PKIB: variants seen among roughly 807,000 people sequenced by gnomAD.
PKIB encodes the protein PKI-beta.
In PKIB, 2 loss-of-function variants were observed where a neutral mutation model predicts 4.5. The observed-to-expected ratio is 0.44, with a 90% CI of 0.18 to 1.39. The LOEUF (loss-of-function observed/expected upper bound fraction) is 1.39, where lower values mean the gene tolerates loss of function less well. PKIB is among the 40% of genes most tolerant of loss of function. PKIB has a pLI of 0.27. For missense variants in PKIB, 94 were observed against 92.6 expected, an observed-to-expected ratio of 1.02 and a Z score of -0.06; for synonymous variants, 38 against 36.0, an observed-to-expected ratio of 1.06 and a Z score of -0.20.
At chr6:122,600,533 C>T (rs1171407231) in intron 3 of PKIB, among the ~76,000 whole-genome samples, 2 of 148,364 alleles carry the variant, frequency 1.3e-5, no homozygotes, top group Non-Finnish European at 3.0e-5. Flanking sequence ...TGGAAAACCT[C>T]GTAATTCAAG....
At chr6:122,518,995 A>C (rs1776849410) in intron 2 of PKIB, among the ~76,000 whole-genome samples, 1 of 152,206 alleles carries the variant, frequency 6.6e-6, no homozygotes, top group South Asian at 2.1e-4. Context: ...AGAAAATGCT[A>C]TAATACAAGT....
At chr6:122,626,538 C>T (rs965183678) in intron 1 of PKIB, among the ~76,000 whole-genome samples, 1 of 152,162 alleles carries the variant, frequency 6.6e-6, no homozygotes, top group Non-Finnish European at 1.5e-5. Context: ...GGAACAATTC[C>T]TAAAGCTTCA....
Position 122,682,189 on chromosome 6 carries a change from A to G in PKIB, c.-9+7045A>G, listed in dbSNP as rs536765159. Among the ~76,000 whole-genome samples the G allele has an allele frequency of 6.6e-5, 10 of 151,800 alleles. No individual in the cohort carries two copies. The South Asian group carries it at 2.1e-3, about 32-fold the overall frequency. On this transcript the variant is annotated intron_variant, in intron 3 of 4. Transcript: ENST00000368452. ...ATAATTCTAAATGGAAGAAGTGGGG[A>G]GTTACAGATAGGTGGAGGAAGGCTT...
rs551022960 is a variant in PKIB, at chr6:122,612,423, C to T, written c.-161+1888C>T. 2.2e-4 allele frequency among the ~76,000 whole-genome samples: 33 copies of T among 152,244 alleles called. No individual in the cohort carries two copies. The South Asian group carries it at 4.6e-3, about 21-fold the overall frequency. ...ATCTGGTTTTAGAACAGTTTACTCA[C>T]TTGGTAAGATTCCTTATGTCCATTA... is the stretch of plus-strand genomic sequence containing the variant. On this transcript the variant is annotated intron_variant, in intron 1 of 4. Coordinates refer to ENST00000368452, the MANE Select transcript of PKIB (RefSeq NM_181795.3).
At chr6:122,713,892 C>T (rs1261259482) in intron 3 of PKIB, among the ~76,000 whole-genome samples, 1 of 152,066 alleles carries the variant, frequency 6.6e-6, no homozygotes. Flanking sequence ...TAATGCTCTC[C>T]CCTTTTCCCC....
intron 2 of PKIB, among the ~76,000 whole-genome samples, chr6:122,640,666 G>A (rs1448117986): frequency 6.6e-6 from 1 of 152,182 alleles, no homozygotes; most frequent in African/African-American, 2.4e-5. Flanking sequence ...CCAGTAAAAA[G>A]TCCAGAAGGA....
intron 2 of PKIB, among the ~76,000 whole-genome samples, chr6:122,569,147 C>G (rs529240010): frequency 1.3e-5 from 2 of 152,164 alleles, no homozygotes; most frequent in Non-Finnish European, 2.9e-5. Flanking sequence ...AGCACAGACC[C>G]GCCTAACCCT....
intron 3 of PKIB, among the ~76,000 whole-genome samples, chr6:122,705,985 C>G (rs2115040455): frequency 6.6e-6 from 1 of 152,178 alleles, no homozygotes; most frequent in East Asian, 1.9e-4. Flanking sequence ...TATGTTATGA[C>G]TATGCTCCAA....
intron 2 of PKIB, among the ~76,000 whole-genome samples, chr6:122,485,210 C>CTTTTTTTTTTTTTT (rs907386583): frequency 7.1e-6 from 1 of 141,418 alleles, no homozygotes. Context: ...CAAAAATATT[C>CTTTTTTTTTTTTTT]TTTTTTTTTT....
intron 2 of PKIB, among the ~76,000 whole-genome samples, chr6:122,548,535 A>T (rs960404856): frequency 7.2e-5 from 11 of 152,334 alleles, no homozygotes; most frequent in East Asian, 5.8e-4. Flanking sequence ...CAGTGTTGTG[A>T]AAGTTATACA....
chr6:122,653,971 A>G (rs753429331), intron 2 of PKIB, among the ~76,000 whole-genome samples: 1 of 152,136 alleles, frequency 6.6e-6, no homozygotes, highest in African/African-American at 2.4e-5. Flanking sequence ...ACGAACAAAC[A>G]AAAAAGGCAG....
chr6:122,478,534 A>T (rs766978088), intron 2 of PKIB: 1 of 152,186 alleles, frequency 6.6e-6, no homozygotes, highest in Non-Finnish European at 1.5e-5. Context: ...TGATACGGGC[A>T]TGGCTGGACA....
At chr6:122,706,473 G>A (rs757167943) in intron 3 of PKIB, among the ~76,000 whole-genome samples, 1 of 152,166 alleles carries the variant, frequency 6.6e-6, no homozygotes, top group African/African-American at 2.4e-5. Flanking sequence ...GGAAGATATA[G>A]TAGATGCTTA....
At chr6:122,490,801 C>T (rs1011515703) in intron 2 of PKIB, among the ~76,000 whole-genome samples, 3 of 152,118 alleles carry the variant, frequency 2.0e-5, no homozygotes, top group Non-Finnish European at 4.4e-5. Context: ...CAAAAATTGC[C>T]TAATACAAGT....
intron 2 of PKIB, among the ~76,000 whole-genome samples, chr6:122,505,705 CT>C (rs1304178008): frequency 2.0e-5 from 3 of 151,898 alleles, no homozygotes; most frequent in Non-Finnish European, 4.4e-5. Flanking sequence ...TTTTTTATCC[CT>C]TTTTTTAGAT....
chr6:122,625,812 T>C (rs946851654), intron 1 of PKIB, among the ~76,000 whole-genome samples: 2 of 152,086 alleles, frequency 1.3e-5, no homozygotes, highest in African/African-American at 4.8e-5. Context: ...CTCATACCTG[T>C]AATCCCAGCA....
upstream of PKIB, among the ~76,000 whole-genome samples, chr6:122,609,202 T>A (rs1774648833): frequency 6.6e-6 from 1 of 152,208 alleles, no homozygotes. Context: ...ACATCACAAT[T>A]CAGAAAAATC....
At chr6:122,513,211 G>A (rs1401198478) in intron 2 of PKIB, among the ~76,000 whole-genome samples, 2 of 152,106 alleles carry the variant, frequency 1.3e-5, no homozygotes, top group Non-Finnish European at 2.9e-5. Context: ...GCCTTAAGAG[G>A]AGCATACTTT....
chr6:122,541,542 C>T (rs1033953459), intron 2 of PKIB, among the ~76,000 whole-genome samples: 35 of 152,046 alleles, frequency 2.3e-4, no homozygotes, highest in African/African-American at 6.0e-4. Flanking sequence ...GAGTTTCTGC[C>T]GAGAGATCCG....
Sources: gnomAD v4.1 joint callset for allele counts (sites outside exome capture counted in the v4.1 genomes callset) on GRCh38, gnomAD v4.1.1 for gene constraint, MANE v1.5 for transcripts, NCBI Gene and HGNC (gene_info 2026-07-23, HGNC 2026-07-21) for gene names.